Variants in TNKS2 observed in about 807,000 individuals in gnomAD.
TNKS2 encodes the protein poly [ADP-ribose] polymerase tankyrase-2.
In TNKS2, 72 loss-of-function variants were observed where a neutral mutation model predicts 137.6. That is an observed-to-expected ratio of 0.52 (90% CI 0.43 to 0.64). The LOEUF (loss-of-function observed/expected upper bound fraction) is 0.64. TNKS2 is among the 30% of genes least tolerant of loss of function. The probability of loss-of-function intolerance (pLI) is 0.00; values close to 1 mark genes in which losing one functional copy is unlikely to be tolerated. For missense variants in TNKS2, 1,049 were observed against 1,410.2 expected, an observed-to-expected ratio of 0.74 and a Z score of 4.10; for synonymous variants, 516 against 512.1, an observed-to-expected ratio of 1.01 and a Z score of -0.10.
chr10:91,845,159 A>G lies in TNKS2; in HGVS notation c.2169+131A>G. On this transcript the variant is annotated intron_variant, in intron 17 of 26. Transcript: ENST00000371627. ...TAAGTGGCAGAGCTAAAGAAGTTAA[A>G]TAACTTCCAAATTTCGGTTCTGAAT... 3 of 681,094 alleles carry G rather than the reference A, an allele frequency of 4.4e-6. No individual in the cohort carries two copies. In the South Asian group the frequency reaches 5.1e-5, roughly 12 times the overall value. The allele number at this position is 681,094 out of a possible 1,614,324, so 42.2% of individuals were successfully genotyped here.
intron 17 of TNKS2, among the ~76,000 whole-genome samples, chr10:91,845,291 T>G (rs966028757): frequency 2.6e-5 from 4 of 152,234 alleles, no homozygotes; most frequent in Admixed American, 2.0e-4. Context: ...TGTGTTTATT[T>G]GTTGGTACCC....
chr10:91,856,740 C>A (rs768038567), intron 23 of TNKS2, among the ~76,000 whole-genome samples: 1 of 152,062 alleles, frequency 6.6e-6, no homozygotes, highest in Admixed American at 6.6e-5. Context: ...GTGACAGTTA[C>A]GATCCTTGAT....
intron 1 of TNKS2, among the ~76,000 whole-genome samples, chr10:91,801,849 A>G (rs568092253): frequency 3.3e-5 from 5 of 152,192 alleles, no homozygotes; most frequent in South Asian, 2.1e-4. Context: ...TAATTTTACT[A>G]AAAGCAAAAG....
At chr10:91,817,303 A>G (rs1285885917) in intron 3 of TNKS2, 74 bp downstream of exon 3, 12 of 913,690 alleles carry the variant, frequency 1.3e-5, no homozygotes, top group Middle Eastern at 2.2e-4. Flanking sequence ...TTTGCCTCCT[A>G]TGATTAATGA....
chr10:91,807,823 C>A (rs905432202), intron 1 of TNKS2, among the ~76,000 whole-genome samples: 5 of 151,790 alleles, frequency 3.3e-5, no homozygotes, highest in African/African-American at 7.3e-5. Context: ...TGAAACCCCC[C>A]CTTTACTAAA....
rs1845095566 is a variant in TNKS2 at position 91,827,176 on chromosome 10, A to C, written c.955A>C (p.Thr319Pro). Residue 319 changes from threonine (T) to proline (P), a missense_variant, in exon 8 of 27, where the codon ACA becomes CCA. Coordinates refer to ENST00000371627, the MANE Select transcript of TNKS2 (RefSeq NM_025235.4). ...HNKSAIDLAP[T>P]PQLKERLAYE... ...TAAAAGTGCTATAGACTTGGCTCCC[A>C]CACCACAGTTAAAAGAAAGATTAGC... The C allele has an allele frequency of 1.9e-6, 3 of 1,571,928 alleles. No individual in the cohort carries two copies. The highest frequency in any genetic ancestry group is 2.6e-6 in the Non-Finnish European group (3 of 1,157,986).
At chr10:91,855,494 A>G (rs1842679842) in intron 22 of TNKS2, 120 bp from the exon 23 acceptor site, 1 of 855,966 alleles carries the variant, frequency 1.2e-6, no homozygotes. Flanking sequence ...AATAACAAAA[A>G]TATTAAAACC....
intron 12 of TNKS2, 29 bp from the exon 13 acceptor site, chr10:91,836,890 T>G (rs1273697860): frequency 6.2e-7 from 1 of 1,600,376 alleles, no homozygotes; most frequent in African/African-American, 1.3e-5. Flanking sequence ...TAGAGGTTAG[T>G]CACTCTTCTC....
chr10:91,799,393 T>C (rs1367593653), intron 1 of TNKS2, among the ~76,000 whole-genome samples: 2 of 152,208 alleles, frequency 1.3e-5, no homozygotes, highest in African/African-American at 4.8e-5. Flanking sequence ...TTAATTGGTT[T>C]ATCAGAATAG....
At chr10:91,822,120 AT>A (rs1844909468) in intron 6 of TNKS2, among the ~76,000 whole-genome samples, 175 bp from the exon 7 acceptor site, 3 of 152,338 alleles carry the variant, frequency 2.0e-5, no homozygotes, top group Middle Eastern at 6.8e-3. Context: ...GGGAGTTCAA[AT>A]TCTTAGGACT....
At position 91,840,550 on chromosome 10, in the gene TNKS2, T is replaced by A. The variant is rs376055465; in HGVS notation, c.1528-11T>A. On this transcript the variant is annotated splice_polypyrimidine_tract_variant and intron_variant, in intron 13 of 26. Transcript: ENST00000371627. ...GATGTAGTATCATGTATGTTGTGTT[T>A]TGTCCTTCAGAAACTGTGTACTGTT... 9.8e-5 allele frequency: 157 copies of A among 1,606,064 alleles called. No individual in the cohort carries two copies. Among genetic ancestry groups the A allele is most frequent in the Non-Finnish European group, 1.3e-4 (152 of 1,175,856 alleles).
chr10:91,835,505 G>T (rs1480182605), intron 12 of TNKS2, among the ~76,000 whole-genome samples: 2 of 149,858 alleles, frequency 1.3e-5, no homozygotes, highest in African/African-American at 4.9e-5. Context: ...TGGCCAGACT[G>T]GTCTCAAACT....
intron 1 of TNKS2, among the ~76,000 whole-genome samples, chr10:91,803,536 G>C (rs1844240413): frequency 6.6e-6 from 1 of 152,184 alleles, no homozygotes; most frequent in Non-Finnish European, 1.5e-5. Context: ...CTAGCTACTT[G>C]GGAGGCTAAG....
rs1256913749 is a variant in TNKS2 at position 91,833,922 on chromosome 10, T to G, written c.1345T>G (p.Cys449Gly). The change falls in exon 12 of 27, where the codon TGC becomes GGC. Residue 449 changes from cysteine (C) to glycine (G), a missense_variant. This residue lies in a region of TNKS2 where 328 missense variants were observed against 436.0 expected (regional missense o/e 0.75). Transcript: ENST00000371627. Reference protein sequence around the residue: ...RAAYCGHLQTCRLLLSYGCDP... With the variant: ...RAAYCGHLQTGRLLLSYGCDP... ...TGCATATTGTGGTCATCTACAAACC[T>G]GCCGCCTACTCCTGAGCTATGGGTG... The G allele has an allele frequency of 2.5e-6, 4 of 1,613,986 alleles. No homozygotes were observed. The highest frequency in any genetic ancestry group is 3.4e-6 in the Non-Finnish European group (4 of 1,179,908).
chr10:91,840,795 C>A, intron 14 of TNKS2, 89 bp downstream of exon 14: 1 of 1,326,852 alleles, frequency 7.5e-7, no homozygotes, highest in Non-Finnish European at 1.0e-6. Flanking sequence ...TTTTATTTTT[C>A]AAGAAAGCCT....
rs1347310179 is a variant in TNKS2 at position 91,798,941 on chromosome 10, C to T, written c.199+52C>T. On this transcript the variant is annotated intron_variant, in intron 1 of 26. Coordinates refer to ENST00000371627, the MANE Select transcript of TNKS2 (RefSeq NM_025235.4). ...TCGCTCCAGACCCCACCTGCGCAGC[C>T]GGGGCCCACAGGTCTGAAACCAGTG... 5.3e-6 allele frequency: 7 copies of T among 1,316,944 alleles called. No individual in the cohort carries two copies. In the South Asian group the frequency reaches 8.5e-5, roughly 16 times the overall value. The allele number at this position is 1,316,944 out of a possible 1,614,324, so 81.6% of individuals were successfully genotyped here.
At chr10:91,813,483 A>G (rs1844575033) in intron 2 of TNKS2, among the ~76,000 whole-genome samples, 1 of 152,202 alleles carries the variant, frequency 6.6e-6, no homozygotes, top group Non-Finnish European at 1.5e-5. Context: ...GTGGAAGGGA[A>G]CAGAGAGTGT....
intron 8 of TNKS2, 135 bp from the exon 9 acceptor site, chr10:91,828,150 A>G (rs1845124387): frequency 2.1e-6 from 2 of 974,680 alleles, no homozygotes; most frequent in Admixed American, 3.7e-5. Context: ...AATTTGGAGA[A>G]TATCTTTAGA....
In TNKS2 at chr10:91,819,530, C is replaced by G. The variant is rs1844819050; in HGVS notation, c.606C>G (p.Val202=). 6.3e-7 allele frequency: 1 copy of G among 1,595,376 alleles called. No homozygotes were observed. Among genetic ancestry groups the G allele is most frequent in the Non-Finnish European group, 8.5e-7 (1 of 1,174,906 alleles). ...TGGCTCTACTCACACCATTAAATGT[C>G]AACTGCCACGCAAGTGATGGCAGAA... The part of the protein sequence containing the change: ...KMMALLTPLN[V]NCHASDGRKS... The change falls in exon 5 of 27, where the codon GTC becomes GTG. Residue 202 remains valine, a synonymous_variant. Transcript: ENST00000371627.
Sources: allele counts gnomAD v4.1 joint callset (sites outside exome capture counted in the v4.1 genomes callset), GRCh38; gene constraint gnomAD v4.1.1; regional missense constraint gnomAD v4.1.1; transcripts MANE v1.5; gene names NCBI Gene and HGNC (gene_info 2026-07-23, HGNC 2026-07-21).